The following PDE1C variants were observed in gnomAD, a reference collection of about 807,000 sequenced individuals.
PDE1C encodes dual specificity calcium/calmodulin-dependent 3',5'-cyclic nucleotide phosphodiesterase 1C.
Under a neutral mutation model 93.1 loss-of-function variants are expected in PDE1C, and 62 were observed. The ratio of observed to expected loss-of-function variants is 0.67; its 90% confidence interval spans 0.54 to 0.82. PDE1C has a LOEUF of 0.82. Among genes scored for constraint, PDE1C ranks in the 40% least tolerant of loss-of-function variants. The pLI is 0.00. For synonymous variants in PDE1C, 325 were observed against 310.1 expected (o/e 1.05, Z -0.50); for missense variants, 742 against 884.6 (o/e 0.84, Z 2.04).
intron 2 of PDE1C, among the ~76,000 whole-genome samples, chr7:32,182,412 C>T (rs1208789809): frequency 6.6e-6 from 1 of 152,190 alleles, no homozygotes; most frequent in Admixed American, 6.5e-5. Context: ...AAAATACTGG[C>T]AAACCGAATC....
chr7:31,925,039 CTGTGTGTGTGTGTGTGTGTGTG>C (rs70989622), intron 2 of PDE1C, among the ~76,000 whole-genome samples: 5,013 of 135,384 alleles, frequency 0.037, 97 homozygotes, highest in South Asian at 0.08. Context: ...GTAGACATTT[CTGTGTGTGTGTGTGTGTGTGTG>C]TGTGTGTGTG....
intron 3 of PDE1C, among the ~76,000 whole-genome samples, chr7:32,141,384 C>A (rs148994367): frequency 6.6e-5 from 10 of 152,336 alleles, no homozygotes; most frequent in African/African-American, 2.2e-4. Flanking sequence ...AATACGGTAA[C>A]TTTAAAGTAG....
chr7:31,939,812 C>T (rs971328711), intron 2 of PDE1C, among the ~76,000 whole-genome samples: 2 of 152,212 alleles, frequency 1.3e-5, no homozygotes, highest in Admixed American at 6.5e-5. Flanking sequence ...GGTCAATACA[C>T]AATGAAGTCA....
At chr7:32,012,091 A>T (rs979391928) in intron 2 of PDE1C, among the ~76,000 whole-genome samples, 1 of 152,232 alleles carries the variant, frequency 6.6e-6, no homozygotes, top group Non-Finnish European at 1.5e-5. Flanking sequence ...AGCACACTAT[A>T]TGAATGTTAA....
chr7:32,205,716 C>T (rs992692239), intron 2 of PDE1C, among the ~76,000 whole-genome samples: 1 of 152,154 alleles, frequency 6.6e-6, no homozygotes, highest in African/African-American at 2.4e-5. Context: ...CCTTTATGAG[C>T]TGTAACACTC....
rs963255853 is a variant in PDE1C, at chr7:32,141,519, C to T, written c.308+28266G>A. ...GAACTTCACTTCTGTGATCTTCCTCCTAAGATCATAAAACCCTAAACTAAT... is the reference window on the plus strand; with the variant it reads ...GAACTTCACTTCTGTGATCTTCCTCTTAAGATCATAAAACCCTAAACTAAT... On this transcript the variant is annotated intron_variant, in intron 3 of 18. Transcript: ENST00000396193. Among the ~76,000 whole-genome samples the T allele has an allele frequency of 1.1e-4, 16 of 152,232 alleles. 5 individuals carry two copies. Among genetic ancestry groups the T allele is most frequent in the Admixed American group, 6.5e-5 (1 of 15,294 alleles).
intron 1 of PDE1C, among the ~76,000 whole-genome samples, chr7:32,409,780 C>T (rs1309867553): frequency 1.3e-5 from 2 of 151,692 alleles, no homozygotes; most frequent in Non-Finnish European, 2.9e-5. Context: ...CATATATCTT[C>T]TTAACATAAT....
chr7:31,786,387 A>C (rs1003475631), intron 16 of PDE1C: 2 of 151,962 alleles, frequency 1.3e-5, no homozygotes, highest in Admixed American at 6.6e-5. Flanking sequence ...CTCCCAAATT[A>C]CCTGCAATTT....
intron 1 of PDE1C, among the ~76,000 whole-genome samples, chr7:32,237,370 A>C (rs1808186272): frequency 6.6e-6 from 1 of 152,056 alleles, no homozygotes; most frequent in Admixed American, 6.6e-5. Flanking sequence ...AAAAATAATA[A>C]AATTATAATG....
chr7:32,342,096 ATTGT>A (rs1399861740), intron 1 of PDE1C, among the ~76,000 whole-genome samples: 1 of 152,190 alleles, frequency 6.6e-6, no homozygotes, highest in Non-Finnish European at 1.5e-5. Context: ...ATAATGTATG[ATTGT>A]TTGCTATCAA....
chr7:31,793,564 A>C (rs1404082091), intron 16 of PDE1C, among the ~76,000 whole-genome samples: 1 of 152,004 alleles, frequency 6.6e-6, no homozygotes, highest in African/African-American at 2.4e-5. Context: ...CACACACCTG[A>C]CAAGTTATAA....
At chr7:31,982,640 G>A (rs1211048315) in intron 2 of PDE1C, among the ~76,000 whole-genome samples, 1 of 151,708 alleles carries the variant, frequency 6.6e-6, no homozygotes, top group Non-Finnish European at 1.5e-5. Flanking sequence ...TTTTGAAAGG[G>A]GCCTGTGAAT....
chr7:31,981,216 GAAT>G (rs988228760), intron 2 of PDE1C, among the ~76,000 whole-genome samples: 8 of 152,182 alleles, frequency 5.3e-5, no homozygotes, highest in African/African-American at 1.9e-4. Flanking sequence ...CTATAGTCAA[GAAT>G]ATTACCATTA....
At chr7:32,236,089 C>T (rs1405509586) in intron 1 of PDE1C, among the ~76,000 whole-genome samples, 1 of 151,766 alleles carries the variant, frequency 6.6e-6, no homozygotes, top group Non-Finnish European at 1.5e-5. Flanking sequence ...CATCCATATA[C>T]CAAAAAAAAT....
upstream of PDE1C, chr7:32,071,046 T>A (rs913273042): frequency 1.0e-6 from 1 of 985,360 alleles, no homozygotes; most frequent in Non-Finnish European, 1.2e-6. Context: ...CCCGGGCTGG[T>A]GTCTGGGCTG....
At chr7:31,978,524 C>T (rs776375511) in intron 2 of PDE1C, among the ~76,000 whole-genome samples, 7 of 152,264 alleles carry the variant, frequency 4.6e-5, no homozygotes, top group African/African-American at 7.2e-5. Flanking sequence ...GAAGGCAGCC[C>T]AGCTTTGCCA....
At chr7:32,315,428 AT>A (rs1468463951) in intron 1 of PDE1C, among the ~76,000 whole-genome samples, 4 of 152,154 alleles carry the variant, frequency 2.6e-5, no homozygotes, top group Non-Finnish European at 5.9e-5. Context: ...AAGGAAACAC[AT>A]CAAAATGCAA....
At chr7:32,255,917 C>T (rs893621389) in intron 1 of PDE1C, among the ~76,000 whole-genome samples, 3 of 152,042 alleles carry the variant, frequency 2.0e-5, no homozygotes, top group African/African-American at 7.2e-5. Context: ...GAGGACACAT[C>T]GAATGTCTAA....
At chr7:31,723,265 CTTGG>C in the PDE1C span, among the ~76,000 whole-genome samples, 1 of 152,180 alleles carries the variant, frequency 6.6e-6, no homozygotes, top group East Asian at 1.9e-4. Context: ...CCTGACACCT[CTTGG>C]TTGGTTGGTT....
Sources: allele counts gnomAD v4.1 joint callset (sites outside exome capture counted in the v4.1 genomes callset), GRCh38; gene constraint gnomAD v4.1.1; transcripts MANE v1.5; gene names NCBI Gene and HGNC (gene_info 2026-07-23, HGNC 2026-07-21).